Variants in WDR93 observed in about 807,000 individuals in gnomAD.
The protein encoded by WDR93 is WD repeat domain 93, also known as WD repeat-containing protein 93.
Under a neutral mutation model 82.9 loss-of-function variants are expected in WDR93, and 73 were observed. The ratio of observed to expected loss-of-function variants is 0.88; its 90% confidence interval spans 0.73 to 1.07. The LOEUF is 1.07. WDR93 is among the 50% of genes least tolerant of loss of function. The probability of loss-of-function intolerance (pLI) is 0.00; values close to 1 mark genes in which losing one functional copy is unlikely to be tolerated. For missense variants in WDR93, 738 were observed against 826.0 expected (o/e 0.89, Z 1.31); for synonymous variants, 283 against 300.1 (o/e 0.94, Z 0.59).
intron 1 of WDR93, among the ~76,000 whole-genome samples, chr15:89,697,469 C>G (rs1965238978): frequency 6.6e-6 from 1 of 152,058 alleles, no homozygotes; most frequent in Admixed American, 6.6e-5. Context: ...TTATTGATTT[C>G]TAAAATAATT....
chr15:89,726,005 A>G (rs1056242385), intron 8 of WDR93, among the ~76,000 whole-genome samples: 1 of 152,248 alleles, frequency 6.6e-6, no homozygotes, highest in Non-Finnish European at 1.5e-5. Context: ...ATAACTAAAG[A>G]TAAGCAACAA....
At chr15:89,719,568 C>G (rs1034548763) in intron 7 of WDR93, 1 of 152,140 alleles carries the variant, frequency 6.6e-6, no homozygotes, top group South Asian at 2.1e-4. Context: ...TCATCCCTCT[C>G]ATTCCTGATA....
chr15:89,695,157 G>GAA lies in WDR93; in HGVS notation c.-41+4309_-41+4310dup, dbSNP rs35267350. On this transcript the variant is annotated intron_variant, in intron 1 of 16. Transcript: ENST00000268130. ...TGTAAAGTTAGCTTCTTAATTTCTG[G>GAA]AAAAAAAAAAGCCACCTGGGATTAT... Among the ~76,000 whole-genome samples the GAA allele has an allele frequency of 2.8e-3, 418 of 147,610 alleles. 4 individuals are homozygous for GAA. Among genetic ancestry groups the GAA allele is most frequent in the African/African-American group, 8.9e-3 (358 of 40,316 alleles).
intron 6 of WDR93, among the ~76,000 whole-genome samples, chr15:89,716,159 A>C (rs1966242995): frequency 6.6e-6 from 1 of 152,188 alleles, no homozygotes; most frequent in South Asian, 2.1e-4. Context: ...AATGGAGTGT[A>C]GTCCTATGTC....
intron 4 of WDR93, among the ~76,000 whole-genome samples, chr15:89,707,453 A>G (rs774123298): frequency 2.2e-4 from 33 of 152,006 alleles, no homozygotes; most frequent in Non-Finnish European, 4.4e-4. Flanking sequence ...AGGAGGCTGA[A>G]CAGGAGAATC....
At chr15:89,705,284 T>C (rs1249757178) in intron 3 of WDR93, 1 of 457,402 alleles carries the variant, frequency 2.2e-6, no homozygotes, top group Non-Finnish European at 4.0e-6. Flanking sequence ...AGTGGATGGA[T>C]GTAGCCCATG....
At chr15:89,737,087 G>T (rs367745889) in intron 14 of WDR93, among the ~76,000 whole-genome samples, 1 of 152,150 alleles carries the variant, frequency 6.6e-6, no homozygotes. Flanking sequence ...CATCGCGCCC[G>T]GCCAAAGGGG....
In WDR93 at chr15:89,701,936, GTGAACCTTCTGTTT is replaced by G. The variant is rs1567098545; in HGVS notation, c.191_204del (p.Val64GlyfsTer8). 1 of 1,614,176 alleles carries G rather than the reference GTGAACCTTCTGTTT, an allele frequency of 6.2e-7. No individual in the cohort carries two copies. Among genetic ancestry groups the G allele is most frequent in the South Asian group, 1.1e-5 (1 of 91,068 alleles). On this transcript the variant is annotated frameshift_variant, in exon 2 of 17. Coordinates refer to ENST00000268130, the MANE Select transcript of WDR93 (RefSeq NM_020212.2). LOFTEE classifies it high-confidence loss of function. ...GCCTTATCGAATGATCAACAAGCTGGTGAACCTTCTGTTTGACCAGTCTTGGGAAATTATTGAAG... is the reference window on the plus strand; with the variant it reads ...GCCTTATCGAATGATCAACAAGCTGGGACCAGTCTTGGGAAATTATTGAAG...
intron 4 of WDR93, among the ~76,000 whole-genome samples, chr15:89,706,775 T>C (rs1965745708): frequency 6.6e-6 from 1 of 152,174 alleles, no homozygotes; most frequent in Non-Finnish European, 1.5e-5. Context: ...TTGGACTTCA[T>C]TCCTCACACC....
Position 89,716,951 on chromosome 15 carries a change from T to C in WDR93, c.795+2T>C, listed in dbSNP as rs1567113188. The C allele has an allele frequency of 2.0e-6, 3 of 1,528,210 alleles. No homozygotes were observed. Among genetic ancestry groups the C allele is most frequent in the Non-Finnish European group, 2.6e-6 (3 of 1,135,378 alleles). 94.7% of individuals were successfully genotyped at this position (1,528,210 alleles called of 1,614,324 possible). A position where few individuals can be genotyped will look rare whatever the true frequency, so the allele number is the denominator to read the frequency against. On this transcript the variant is annotated splice_donor_variant, in intron 7 of 16. Transcript: ENST00000268130. LOFTEE classifies it high-confidence loss of function. ...ATTTCTGCAGATCCTTTAGAAATGG[T>C]AAGAAACTTTAAAGAAAATCTCCAG...
chr15:89,715,298 C>T (rs748638916), intron 6 of WDR93, among the ~76,000 whole-genome samples: 2 of 152,170 alleles, frequency 1.3e-5, no homozygotes, highest in Non-Finnish European at 2.9e-5. Flanking sequence ...TAGTGGGAAT[C>T]GCAGTATCTC....
intron 16 of WDR93, 131 bp downstream of exon 16, chr15:89,738,367 CT>C: frequency 8.9e-7 from 1 of 1,125,476 alleles, no homozygotes; most frequent in Non-Finnish European, 1.2e-6. Flanking sequence ...TGGCTCACGC[CT>C]GTAATCCCAG....
intron 1 of WDR93, among the ~76,000 whole-genome samples, chr15:89,700,864 T>C (rs1469445279): frequency 1.3e-5 from 2 of 152,124 alleles, no homozygotes; most frequent in Non-Finnish European, 2.9e-5. Context: ...CCCTACAATT[T>C]TGAATTTTCT....
chr15:89,729,654 T>G, intron 10 of WDR93, 29 bp from the exon 11 acceptor site: 5 of 1,579,344 alleles, frequency 3.2e-6, no homozygotes, highest in African/African-American at 1.3e-5. Flanking sequence ...TAACACCCAT[T>G]TTCTGTCTTT....
At chr15:89,715,140 C>T in intron 6 of WDR93, 45 bp downstream of exon 6, 1 of 1,558,490 alleles carries the variant, frequency 6.4e-7, no homozygotes, top group South Asian at 1.1e-5. Flanking sequence ...CTCCCTACCC[C>T]TGACCCACAT....
intron 14 of WDR93, 48 bp from the exon 15 acceptor site, chr15:89,737,525 G>T (rs1289717295): frequency 1.2e-6 from 2 of 1,610,990 alleles, no homozygotes; most frequent in African/African-American, 1.3e-5. Context: ...CTTCCTGTGA[G>T]GGACAGAGTC....
In WDR93 at chr15:89,704,193, G is replaced by C. The variant is rs1488121130; in HGVS notation, c.496+1051G>C. On this transcript the variant is annotated intron_variant, in intron 3 of 16. Coordinates refer to ENST00000268130, the MANE Select transcript of WDR93 (RefSeq NM_020212.2). ...TACAAAAAAAAAAAAAAAAAAATTA[G>C]CCAGGCGTGGTGGGCACCCAGGTGC... 11 of 144,702 alleles carry C rather than the reference G, an allele frequency of 7.6e-5. No homozygotes were observed. The Admixed American group carries it at 7.7e-4, about 10-fold the overall frequency. The allele number at this position is 144,702 out of a possible 1,614,324, so 9.0% of individuals were successfully genotyped here.
chr15:89,696,249 T>A (rs1249586924), intron 1 of WDR93, among the ~76,000 whole-genome samples: 1 of 152,240 alleles, frequency 6.6e-6, no homozygotes, highest in Non-Finnish European at 1.5e-5. Flanking sequence ...ATTTTGAGAC[T>A]GTTTTCTTTC....
chr15:89,730,518 T>C (rs1287124102), intron 11 of WDR93, among the ~76,000 whole-genome samples: 1 of 152,140 alleles, frequency 6.6e-6, no homozygotes, highest in South Asian at 2.1e-4. Flanking sequence ...TTGTTGAAAA[T>C]AGCAAAATCC....
Sources: gnomAD v4.1 joint callset for allele counts (sites outside exome capture counted in the v4.1 genomes callset) on GRCh38, gnomAD v4.1.1 for gene constraint, MANE v1.5 for transcripts, NCBI Gene and HGNC (gene_info 2026-07-23, HGNC 2026-07-21) for gene names.